CEP85L: variants seen among roughly 807,000 people sequenced by gnomAD.
The protein encoded by CEP85L is centrosomal protein 85L.
In CEP85L, 60 loss-of-function variants were observed where a neutral mutation model predicts 100.3. That is an observed-to-expected ratio of 0.60 (90% CI 0.49 to 0.74). CEP85L has a LOEUF of 0.74. Among genes scored for constraint, CEP85L ranks in the 30% least tolerant of loss-of-function variants. The pLI is 0.00. For synonymous variants in CEP85L, 319 were observed against 322.7 expected (o/e 0.99, Z 0.12); for missense variants, 973 against 936.2 (o/e 1.04, Z -0.51).
At chr6:118,581,778 A>C (rs1452572474) in intron 2 of CEP85L, among the ~76,000 whole-genome samples, 1 of 152,152 alleles carries the variant, frequency 6.6e-6, no homozygotes, top group African/African-American at 2.4e-5. Flanking sequence ...TGTATTTTAA[A>C]GCACTGGGAC....
At chr6:118,480,011 T>C (rs9481811) in intron 9 of CEP85L, 90 bp from the exon 10 acceptor site, 128,742 of 713,148 alleles carry the variant, frequency 0.18, 12,358 homozygotes, top group Non-Finnish European at 0.2. Flanking sequence ...CAGAAATTTA[T>C]AAATTTATTT....
At chr6:118,616,958 G>T (rs1295178365) in intron 2 of CEP85L, among the ~76,000 whole-genome samples, 4 of 149,570 alleles carry the variant, frequency 2.7e-5, no homozygotes, top group African/African-American at 7.3e-5. Context: ...AAAAAAAAAA[G>T]GCTGAGGTAG....
intron 4 of CEP85L, among the ~76,000 whole-genome samples, chr6:118,523,438 T>TA (rs1452378189): frequency 6.6e-6 from 1 of 152,330 alleles, no homozygotes; most frequent in African/African-American, 2.4e-5. Context: ...ATGACTGCTT[T>TA]AAATTAGCTT....
At chr6:118,502,810 G>T in intron 5 of CEP85L, 2 of 632,354 alleles carry the variant, frequency 3.2e-6, no homozygotes, top group Non-Finnish European at 6.0e-6. Context: ...TCGTAAGCAT[G>T]TATGGAGTTC....
intron 5 of CEP85L, among the ~76,000 whole-genome samples, chr6:118,495,631 C>A (rs903818971): frequency 6.6e-6 from 1 of 152,170 alleles, no homozygotes; most frequent in South Asian, 2.1e-4. Flanking sequence ...TCAGGCAGTT[C>A]TTTATAGCAG....
intron 3 of CEP85L, among the ~76,000 whole-genome samples, chr6:118,527,929 T>A (rs1777069051): frequency 1.3e-5 from 2 of 152,182 alleles, no homozygotes; most frequent in Admixed American, 6.5e-5. Flanking sequence ...AACAAAAATC[T>A]TCTAGGCTAG....
intron 5 of CEP85L, among the ~76,000 whole-genome samples, chr6:118,500,176 A>G (rs1045482149): frequency 6.6e-6 from 1 of 151,686 alleles, no homozygotes. Context: ...GCATGGTGAC[A>G]CACACCTGTA....
intron 5 of CEP85L, chr6:118,502,090 G>C (rs1775342760): frequency 4.2e-6 from 4 of 953,374 alleles, no homozygotes; most frequent in Admixed American, 4.4e-5. Context: ...AGGAGAGCCA[G>C]AATACTGCCC....
chr6:118,480,111 A>G (rs1019080893), intron 9 of CEP85L, among the ~76,000 whole-genome samples, 190 bp from the exon 10 acceptor site: 2 of 152,116 alleles, frequency 1.3e-5, no homozygotes, highest in Non-Finnish European at 2.9e-5. Context: ...CTAGTTCTCA[A>G]TAAAAGTTTT....
chr6:118,599,483 C>T (rs1015036802), intron 2 of CEP85L, among the ~76,000 whole-genome samples: 1 of 152,160 alleles, frequency 6.6e-6, no homozygotes, highest in African/African-American at 2.4e-5. Context: ...AGGTTACTTT[C>T]TTACAGAAGA....
intron 2 of CEP85L, among the ~76,000 whole-genome samples, chr6:118,626,664 G>A (rs1773817820): frequency 6.6e-6 from 1 of 152,118 alleles, no homozygotes; most frequent in South Asian, 2.1e-4. Context: ...CTTCCACACT[G>A]TAGAAGCTTT....
intron 3 of CEP85L, among the ~76,000 whole-genome samples, chr6:118,528,300 A>G (rs1477105145): frequency 6.6e-6 from 1 of 152,052 alleles, no homozygotes; most frequent in African/African-American, 2.4e-5. Context: ...AGCAACTGAC[A>G]ACACTATTTG....
At position 118,676,358 on chromosome 6, in the gene CEP85L, G is replaced by A. The variant is rs574543252; in HGVS notation, c.-27-23550C>T. On this transcript the variant is annotated intron_variant, in intron 1 of 13. Transcript: ENST00000368488. ...CCCTACCCTCATCCCCTCTCTAGCC[G>A]TTGGTAAGCACCGTTCCACTTTCTG... is the stretch of plus-strand genomic sequence containing the variant. Among the ~76,000 whole-genome samples the A allele has an allele frequency of 1.1e-4, 17 of 152,130 alleles. 1 individual carries two copies. Among genetic ancestry groups the A allele is most frequent in the African/African-American group, 3.1e-4 (13 of 41,488 alleles).
At chr6:118,663,966 C>A (rs563504963) in intron 1 of CEP85L, among the ~76,000 whole-genome samples, 1 of 150,776 alleles carries the variant, frequency 6.6e-6, no homozygotes, top group South Asian at 2.1e-4. Flanking sequence ...GCTTTGTCAC[C>A]CAGGCTGGAG....
chr6:118,611,726 C>T (rs918508041), intron 2 of CEP85L, among the ~76,000 whole-genome samples: 1 of 151,996 alleles, frequency 6.6e-6, no homozygotes, highest in Non-Finnish European at 1.5e-5. Flanking sequence ...ATAAAGTAAG[C>T]TTTGGAGAAA....
At chr6:118,517,619 G>A (rs62424200) in intron 4 of CEP85L, among the ~76,000 whole-genome samples, 25,002 of 152,040 alleles carry the variant, frequency 0.16, 2,209 homozygotes, top group Non-Finnish European at 0.19. Flanking sequence ...GTTGCTTATC[G>A]GCTCAAGGAG....
At chr6:118,582,579 A>G (rs1288618365) in intron 2 of CEP85L, among the ~76,000 whole-genome samples, 1 of 152,220 alleles carries the variant, frequency 6.6e-6, no homozygotes, top group African/African-American at 2.4e-5. Context: ...TGGAACCCCA[A>G]TAACGCAGGA....
upstream of CEP85L, among the ~76,000 whole-genome samples, chr6:118,655,846 T>C (rs1335432404): frequency 6.6e-6 from 1 of 152,196 alleles, no homozygotes; most frequent in Admixed American, 6.5e-5. Flanking sequence ...ACCTATTTTA[T>C]GTTGAGTAGT....
chr6:118,632,179 C>T (rs554191635), intron 2 of CEP85L, among the ~76,000 whole-genome samples: 33 of 152,036 alleles, frequency 2.2e-4, no homozygotes, highest in Non-Finnish European at 4.0e-4. Context: ...TTAGTAGAGA[C>T]GGGATTTCAT....
Sources: gnomAD v4.1 joint callset for allele counts (sites outside exome capture counted in the v4.1 genomes callset) on GRCh38, gnomAD v4.1.1 for gene constraint, MANE v1.5 for transcripts, NCBI Gene and HGNC (gene_info 2026-07-23, HGNC 2026-07-21) for gene names.